PCDHGA6: variants seen among roughly 807,000 people sequenced by gnomAD.
The protein encoded by PCDHGA6 is protocadherin gamma subfamily A, 6.
PCDHGA6 carries 41 observed loss-of-function variants against 60.6 expected under a neutral mutation model. The ratio of observed to expected loss-of-function variants is 0.68; its 90% CI spans 0.53 to 0.88. The LOEUF (loss-of-function observed/expected upper bound fraction) is 0.88. Among genes scored for constraint, PCDHGA6 ranks in the 40% least tolerant of loss-of-function variants. The pLI is 0.00. For missense variants in PCDHGA6, 1,312 were observed against 1,203.0 expected (o/e 1.09, Z -1.34); for synonymous variants, 594 against 524.4 (o/e 1.13, Z -1.81).
intron 1 of PCDHGA6, among the ~76,000 whole-genome samples, chr5:141,471,928 G>A (rs1328213264): frequency 6.6e-6 from 1 of 152,152 alleles, no homozygotes; most frequent in African/African-American, 2.4e-5. Context: ...TTTTGGGGGT[G>A]ATGAGAGTTT....
rs372326132 is a variant in PCDHGA6 at position 141,486,185 on chromosome 5, G to A, written c.2425-8622G>A. On this transcript the variant is annotated intron_variant, in intron 1 of 3. Coordinates refer to ENST00000517434, the MANE Select transcript of PCDHGA6 (RefSeq NM_018919.3). The surrounding 1 kb of genome is among the most constrained non-coding windows in gnomAD (Gnocchi z 5.0). ...CATGGAGCAACATTGCAGCCTTCGAGTGGATCTGCTGGACGTAAATGACAA... is the reference window on the plus strand; with the variant it reads ...CATGGAGCAACATTGCAGCCTTCGAATGGATCTGCTGGACGTAAATGACAA... 42 of 1,614,108 alleles carry A rather than the reference G, an allele frequency of 2.6e-5. No homozygotes were observed. The highest frequency in any genetic ancestry group is 3.4e-5 in the Non-Finnish European group (40 of 1,180,048).
chr5:141,446,279 G>A (rs1326701686), intron 1 of PCDHGA6, among the ~76,000 whole-genome samples: 1 of 152,096 alleles, frequency 6.6e-6, no homozygotes, highest in African/African-American at 2.4e-5. Context: ...AAATACAATG[G>A]ATAAATGGGG....
At chr5:141,409,960 C>T (rs1182396334) in intron 1 of PCDHGA6, 1 of 1,613,416 alleles carries the variant, frequency 6.2e-7, no homozygotes. Context: ...AGCCCGGCTA[C>T]CTAGTGACTA....
In PCDHGA6 at chr5:141,375,324, A is replaced by C. The variant is rs751354618; in HGVS notation, c.1241A>C (p.Glu414Ala). The change falls in exon 1 of 4, where the codon GAG becomes GCG. Residue 414 changes from glutamate to alanine, a missense_variant. By Grantham distance (107) the Glu-to-Ala change is moderately radical. Coordinates refer to ENST00000517434, the MANE Select transcript of PCDHGA6 (RefSeq NM_018919.3). ...LVTNAALDRE[E>A]VFLYNITVTA... ...ACAAATGCAGCTCTAGACCGGGAAGAGGTATTCTTGTACAACATCACTGTG... is the reference window on the plus strand; with the variant it reads ...ACAAATGCAGCTCTAGACCGGGAAGCGGTATTCTTGTACAACATCACTGTG... 1.9e-6 allele frequency: 3 copies of C among 1,613,688 alleles called. No homozygotes were observed. In the African/African-American group the frequency reaches 4.0e-5, roughly 22 times the overall value.
chr5:141,459,579 T>G (rs1047850142), intron 1 of PCDHGA6, among the ~76,000 whole-genome samples: 2 of 152,212 alleles, frequency 1.3e-5, no homozygotes, highest in African/African-American at 4.8e-5. Context: ...AGAATTGTTT[T>G]GGGGGTCATA....
At chr5:141,398,036 A>C (rs151208588) in intron 1 of PCDHGA6, 2 of 1,478,020 alleles carry the variant, frequency 1.4e-6, no homozygotes, top group African/African-American at 2.8e-5. Context: ...CTGGAACTAA[A>C]GCCCGTTCGG....
intron 1 of PCDHGA6, among the ~76,000 whole-genome samples, chr5:141,456,006 T>C (rs909931677): frequency 6.6e-6 from 1 of 151,852 alleles, no homozygotes; most frequent in Non-Finnish European, 1.5e-5. Flanking sequence ...CATGCCATTC[T>C]CCTGCCTCAG....
chr5:141,508,479 T>G (rs1361434920), intron 3 of PCDHGA6, among the ~76,000 whole-genome samples: 1 of 152,152 alleles, frequency 6.6e-6, no homozygotes, highest in Non-Finnish European at 1.5e-5. Flanking sequence ...TCTTTTACAT[T>G]CTGGATTTCC....
chr5:141,494,656 C>CT, intron 1 of PCDHGA6, 151 bp from the exon 2 acceptor site: 1 of 1,478,476 alleles, frequency 6.8e-7, no homozygotes, highest in Non-Finnish European at 9.1e-7. Flanking sequence ...TGTATTTTGT[C>CT]TTTGGAGATG....
intron 1 of PCDHGA6, chr5:141,427,783 C>T (rs765131117): frequency 1.4e-6 from 2 of 1,460,966 alleles, no homozygotes; most frequent in Non-Finnish European, 1.9e-6. Flanking sequence ...CGGGCACTGT[C>T]GTCCTACGTG....
chr5:141,441,810 C>A, intron 1 of PCDHGA6: 1 of 372,576 alleles, frequency 2.7e-6, no homozygotes. Context: ...GGTGCTGTAC[C>A]CCAGCTCTGG....
intron 1 of PCDHGA6, chr5:141,416,389 T>A (rs2096020280): frequency 6.6e-6 from 1 of 152,236 alleles, no homozygotes; most frequent in Non-Finnish European, 1.5e-5. Context: ...TATTTGGGAT[T>A]CTGCTTTTGT....
chr5:141,387,740 C>T lies in PCDHGA6; in HGVS notation c.2424+11233C>T, dbSNP rs952205441. The T allele has an allele frequency of 3.8e-6, 5 of 1,328,736 alleles. No individual in the cohort carries two copies. In the African/African-American group the frequency reaches 5.9e-5, roughly 16 times the overall value. The allele number at this position is 1,328,736 out of a possible 1,614,324, so 82.3% of individuals were successfully genotyped here. ...GACTCCCCAGCGCCAGCCTTTACAC[C>T]GCTTCCTCCTCGGAAAAAGAAGAAT... On this transcript the variant is annotated intron_variant, in intron 1 of 3. Coordinates refer to ENST00000517434, the MANE Select transcript of PCDHGA6 (RefSeq NM_018919.3).
At position 141,410,475 on chromosome 5, in the gene PCDHGA6, A is replaced by G. The variant is rs185995562; in HGVS notation, c.2424+33968A>G. ...TATTCTTATAATCTGTGCATTGCAC[A>G]TACGGGTACAAAAGAGTTTAATTTC... is the stretch of plus-strand genomic sequence containing the variant. On this transcript the variant is annotated intron_variant, in intron 1 of 3. Transcript: ENST00000517434. The G allele has an allele frequency of 3.7e-6, 6 of 1,614,052 alleles. No homozygotes were observed. In the South Asian group the frequency reaches 6.6e-5, roughly 18 times the overall value.
rs145288114 is a variant in PCDHGA6 at position 141,477,334 on chromosome 5, C to T, written c.2425-17473C>T. On this transcript the variant is annotated intron_variant, in intron 1 of 3. Coordinates refer to ENST00000517434, the MANE Select transcript of PCDHGA6 (RefSeq NM_018919.3). This position sits in a 1 kb window ranked among gnomAD's most constrained non-coding sequence, Gnocchi z 4.9. ...GCCTTACTTCTTCCCTCAAGAATTA[C>T]TTCACTTTGAAAACCAGTGCAGACC... is the stretch of plus-strand genomic sequence containing the variant. 1.3e-4 allele frequency: 215 copies of T among 1,614,074 alleles called. No homozygotes were observed. Among genetic ancestry groups the T allele is most frequent in the Non-Finnish European group, 1.8e-4 (210 of 1,180,044 alleles).
chr5:141,452,584 T>C (rs992607928), intron 1 of PCDHGA6, among the ~76,000 whole-genome samples: 1 of 152,182 alleles, frequency 6.6e-6, no homozygotes, highest in Non-Finnish European at 1.5e-5. Context: ...TTTCCATCTT[T>C]GTATTTTTAT....
intron 2 of PCDHGA6, among the ~76,000 whole-genome samples, chr5:141,500,935 C>A (rs1159997919): frequency 1.3e-5 from 2 of 151,694 alleles, no homozygotes; most frequent in Non-Finnish European, 2.9e-5. Flanking sequence ...GTGGCGCCAT[C>A]TCGGCTCACT....
intron 1 of PCDHGA6, chr5:141,412,918 G>T: frequency 2.4e-6 from 1 of 414,220 alleles, no homozygotes; most frequent in Non-Finnish European, 4.2e-6. Flanking sequence ...TATCACTTGG[G>T]TGCAGTAACT....
At chr5:141,415,041 G>C in intron 1 of PCDHGA6, 2 of 1,613,530 alleles carry the variant, frequency 1.2e-6, no homozygotes, top group Non-Finnish European at 1.7e-6. Context: ...GACTCTTCGC[G>C]GTGGGGGAGC....
Sources: allele counts gnomAD v4.1 joint callset (sites outside exome capture counted in the v4.1 genomes callset), GRCh38; gene constraint gnomAD v4.1.1; non-coding constraint Gnocchi (gnomAD v3.1); transcripts MANE v1.5; gene names NCBI Gene and HGNC (gene_info 2026-07-23, HGNC 2026-07-21).